Variants in MYLK4 observed in about 807,000 individuals in gnomAD.
MYLK4 encodes the protein myosin light chain kinase family member 4.
In MYLK4, 46 loss-of-function variants were observed where a neutral mutation model predicts 48.1. The observed-to-expected ratio is 0.96, with a 90% confidence interval of 0.75 to 1.22. The LOEUF is 1.22. Ranked by LOEUF, MYLK4 falls within the 50% of genes most tolerant of loss-of-function variation. The pLI is 0.00. For missense variants in MYLK4, 451 were observed against 486.1 expected (o/e 0.93, Z 0.68); for synonymous variants, 170 against 180.8 (o/e 0.94, Z 0.48).
intron 2 of MYLK4, among the ~76,000 whole-genome samples, chr6:2,699,711 T>G (rs1053243084): frequency 6.6e-6 from 1 of 152,194 alleles, no homozygotes; most frequent in African/African-American, 2.4e-5. Context: ...ATAAATATAC[T>G]TCCAAGTTTT....
At chr6:2,684,656 T>G (rs1023648149) in intron 6 of MYLK4, among the ~76,000 whole-genome samples, 1 of 152,076 alleles carries the variant, frequency 6.6e-6, no homozygotes, top group Non-Finnish European at 1.5e-5. Context: ...TTTTAAAAAA[T>G]ACAGTATAAC....
chr6:2,760,818 T>C, the MYLK4 span, among the ~76,000 whole-genome samples: 2 of 152,162 alleles, frequency 1.3e-5, no homozygotes, highest in African/African-American at 2.4e-5. Flanking sequence ...TAAGGAAATA[T>C]ATAAAATGTG....
At chr6:2,762,972 TAAAAGAACAAAA>T in the MYLK4 span, among the ~76,000 whole-genome samples, 836 of 152,062 alleles carry the variant, frequency 5.5e-3, 8 homozygotes, top group African/African-American at 0.019. Context: ...ATGCAAAAAA[TAAAAGAACAAAA>T]CACCCACACA....
In MYLK4 at chr6:2,685,346, C is replaced by T. The variant is rs889719857; in HGVS notation, c.495G>A (p.Gln165=). ...TCTTAGACTCGAAGGCATCGTACAG[C>T]TGGATGAGGTTCGCGTGGTCCAGCT... is the stretch of plus-strand genomic sequence containing the variant. ...MNQLDHANLI[Q]LYDAFESKND... is the part of the protein sequence containing the mutation. Residue 165 remains glutamine (Q), a synonymous_variant, in exon 6 of 13, where the codon CAG becomes CAA. Transcript: ENST00000274643. This position sits in a 1 kb window ranked among gnomAD's most constrained non-coding sequence, Gnocchi z 4.5. 5 of 1,613,228 alleles carry T rather than the reference C, an allele frequency of 3.1e-6. No homozygotes were observed. Among genetic ancestry groups the T allele is most frequent in the African/African-American group, 2.7e-5 (2 of 74,818 alleles).
intron 2 of MYLK4, among the ~76,000 whole-genome samples, chr6:2,742,394 T>C (rs1763927172): frequency 6.6e-6 from 1 of 152,042 alleles, no homozygotes; most frequent in Non-Finnish European, 1.5e-5. Flanking sequence ...TTATAAATCA[T>C]GCTGCTATAA....
the MYLK4 span, chr6:2,765,831 A>G: frequency 2.2e-6 from 3 of 1,367,140 alleles, no homozygotes; most frequent in Non-Finnish European, 1.9e-6. Flanking sequence ...CCCGGCGCCA[A>G]GAGGCGGCGG....
rs1561867883 is a variant in MYLK4 at position 2,725,513 on chromosome 6, G to GAA, written c.159+23622_159+23623insTT. Among the ~76,000 whole-genome samples the GAA allele has an allele frequency of 2.0e-3, 284 of 138,566 alleles. 1 individual carries two copies. The highest frequency in any genetic ancestry group is 8.0e-3 in the African/African-American group (267 of 33,516). 90.9% of individuals were successfully genotyped at this position (138,566 alleles called of 152,430 possible). A position where few individuals can be genotyped will look rare whatever the true frequency, so the allele number is the denominator to read the frequency against. ...AGAAAGAGAGGGGGAGAGAGAGAGA[G>GAA]ACAGAGAGAGAGAAAAAGAAACAAA... On this transcript the variant is annotated intron_variant, in intron 2 of 12. Transcript: ENST00000274643.
chr6:2,767,082 C>G, the MYLK4 span, among the ~76,000 whole-genome samples: 1 of 152,168 alleles, frequency 6.6e-6, no homozygotes, highest in Non-Finnish European at 1.5e-5. Flanking sequence ...CGTAACTTTT[C>G]TCATAATGCC....
intron 2 of MYLK4, among the ~76,000 whole-genome samples, chr6:2,716,507 C>G (rs184107504): frequency 6.6e-6 from 1 of 152,162 alleles, no homozygotes; most frequent in Non-Finnish European, 1.5e-5. Context: ...TATTCTATTT[C>G]AGTTATTTTC....
At chr6:2,768,391 C>T in the MYLK4 span, among the ~76,000 whole-genome samples, 2 of 152,172 alleles carry the variant, frequency 1.3e-5, no homozygotes, top group Admixed American at 1.3e-4. Context: ...CCGTTCTTTA[C>T]TGGGATTCCA....
chr6:2,719,436 C>T (rs1405849097), intron 2 of MYLK4, among the ~76,000 whole-genome samples: 1 of 152,126 alleles, frequency 6.6e-6, no homozygotes, highest in Non-Finnish European at 1.5e-5. Flanking sequence ...AGAGGGCCAC[C>T]CTTCCACAGG....
intron 2 of MYLK4, among the ~76,000 whole-genome samples, chr6:2,694,231 G>C (rs1270255338): frequency 6.6e-6 from 1 of 152,060 alleles, no homozygotes; most frequent in African/African-American, 2.4e-5. Flanking sequence ...GACGGCACTT[G>C]CCTACTTTTC....
At chr6:2,741,618 G>A (rs1376954631) in intron 2 of MYLK4, among the ~76,000 whole-genome samples, 2 of 152,288 alleles carry the variant, frequency 1.3e-5, no homozygotes, top group Non-Finnish European at 2.9e-5. Context: ...GATACCTCTA[G>A]AAAAGACAGT....
chr6:2,757,254 T>C, the MYLK4 span, among the ~76,000 whole-genome samples: 9 of 152,236 alleles, frequency 5.9e-5, no homozygotes, highest in East Asian at 1.9e-4. Context: ...TCCAAAAGTA[T>C]TGAAGAATCT....
intron 7 of MYLK4, 190 bp from the exon 8 acceptor site, chr6:2,680,481 A>G (rs921739345): frequency 1.6e-4 from 162 of 985,206 alleles, no homozygotes; most frequent in Non-Finnish European, 1.9e-4. Flanking sequence ...TATCCTGCCA[A>G]CCCTGCATTA....
rs757508603 is a variant in MYLK4, at chr6:2,688,947, G to A, written c.245C>T (p.Pro82Leu). 1.2e-5 allele frequency: 20 copies of A among 1,613,982 alleles called. No individual in the cohort carries two copies. The East Asian group carries it at 2.9e-4, about 23-fold the overall frequency. ...KRTSALAVDIPAPPAPFDHRI... is the reference protein window; with the variant it reads ...KRTSALAVDILAPPAPFDHRI... ...ATGATCAAATGGGGCCGGAGGAGCC[G>A]GGATGTCAACTAGAAGGTGAGAGAA... The change falls in exon 4 of 13, where the codon CCG becomes CTG. Residue 82 changes from proline to leucine, a missense_variant. Coordinates refer to ENST00000274643, the MANE Select transcript of MYLK4 (RefSeq NM_001012418.5).
the MYLK4 span, chr6:2,765,528 C>G: frequency 1.5e-6 from 2 of 1,303,618 alleles, no homozygotes; most frequent in East Asian, 3.3e-5. Context: ...GAGCGAGGGT[C>G]TCGCGGCGCG....
chr6:2,724,240 C>A (rs558840518), intron 2 of MYLK4, among the ~76,000 whole-genome samples: 1 of 152,094 alleles, frequency 6.6e-6, no homozygotes, highest in Non-Finnish European at 1.5e-5. Context: ...TACAGATGGG[C>A]GATACACATA....
chr6:2,767,167 A>T, the MYLK4 span, among the ~76,000 whole-genome samples: 1 of 152,244 alleles, frequency 6.6e-6, no homozygotes. Flanking sequence ...TTAGCGTTCC[A>T]GATGAGGGCA....
Sources: allele counts gnomAD v4.1 joint callset (sites outside exome capture counted in the v4.1 genomes callset), GRCh38; gene constraint gnomAD v4.1.1; non-coding constraint Gnocchi (gnomAD v3.1); transcripts MANE v1.5; gene names NCBI Gene and HGNC (gene_info 2026-07-23, HGNC 2026-07-21).